Variants in PHACTR2 observed in about 807,000 individuals in gnomAD.
PHACTR2 encodes phosphatase and actin regulator 2, also known as chromosome 6 open reading frame 56.
PHACTR2 carries 30 observed loss-of-function variants against 76.0 expected under a neutral mutation model. The ratio of observed to expected loss-of-function variants is 0.39; its 90% CI spans 0.30 to 0.54. PHACTR2 has a LOEUF of 0.54. Ranked by LOEUF, PHACTR2 falls within the 20% of genes least tolerant of loss-of-function variation. PHACTR2 has a pLI of 0.61. For synonymous variants in PHACTR2, 292 were observed against 292.5 expected (o/e 1.00, Z 0.02); for missense variants, 696 against 781.1 (o/e 0.89, Z 1.30).
rs1482454577 is a variant in PHACTR2, at chr6:143,683,392, A to G, written c.46+5183A>G. ...CCAAGAATTACATTACTCTGGCTCT[A>G]TTGTCTGAAGGGTGGTATCTGAATC... On this transcript the variant is annotated intron_variant, in intron 1 of 12. Coordinates refer to ENST00000440869, the MANE Select transcript of PHACTR2 (RefSeq NM_001100164.2). The surrounding 1 kb of genome is among the most constrained non-coding windows in gnomAD (Gnocchi z 4.1). 6.6e-6 allele frequency among the ~76,000 whole-genome samples: 1 copy of G among 152,112 alleles called. No homozygotes were observed. The highest frequency in any genetic ancestry group is 2.4e-5 in the African/African-American group (1 of 41,428).
intron 2 of PHACTR2, among the ~76,000 whole-genome samples, chr6:143,745,757 A>G (rs1434359478): frequency 6.6e-6 from 1 of 152,246 alleles, no homozygotes; most frequent in African/African-American, 2.4e-5. Flanking sequence ...AGGTATCCGC[A>G]TTGTGTGTTA....
At chr6:143,559,431 A>C (rs1775228972) in intron 1 of PHACTR2, among the ~76,000 whole-genome samples, 1 of 152,166 alleles carries the variant, frequency 6.6e-6, no homozygotes, top group South Asian at 2.1e-4. Flanking sequence ...TGAGTTATTT[A>C]TTAGTTTGTG....
At chr6:143,766,847 G>T (rs1015596397) in intron 6 of PHACTR2, among the ~76,000 whole-genome samples, 1 of 152,148 alleles carries the variant, frequency 6.6e-6, no homozygotes, top group African/African-American at 2.4e-5. Flanking sequence ...GAGTATGAAG[G>T]GATGGATGGC....
intron 1 of PHACTR2, among the ~76,000 whole-genome samples, chr6:143,544,474 G>T (rs1024516049): frequency 2.0e-5 from 3 of 148,568 alleles, no homozygotes; most frequent in Non-Finnish European, 1.5e-5. Context: ...CCTATGCTAG[G>T]TTTAAGTCAC....
chr6:143,741,117 G>A (rs942508104), intron 2 of PHACTR2, among the ~76,000 whole-genome samples: 2 of 149,658 alleles, frequency 1.3e-5, no homozygotes, highest in Non-Finnish European at 3.0e-5. Flanking sequence ...GCATGGTGGC[G>A]CATGCCTGTA....
rs901512507 is a variant in PHACTR2 at position 143,549,514 on chromosome 6, G to T, written c.217+12307G>T. Among the ~76,000 whole-genome samples the T allele has an allele frequency of 3.3e-5, 5 of 152,014 alleles. No individual in the cohort carries two copies. The highest frequency in any genetic ancestry group is 1.2e-4 in the African/African-American group (5 of 41,414). On this transcript the variant is annotated intron_variant, in intron 1 of 11. Coordinates refer to the PHACTR2 transcript ENST00000367584. This position sits in a 1 kb window ranked among gnomAD's most constrained non-coding sequence, Gnocchi z 4.2. Reference sequence around the variant, plus strand: ...ACACATTCTCAGAAGGCCGGCCACAGGCAATGGCAAGATGAGAATGTTTGC... The same window carrying T: ...ACACATTCTCAGAAGGCCGGCCACATGCAATGGCAAGATGAGAATGTTTGC...
rs970055877 is a variant in PHACTR2 at position 143,775,027 on chromosome 6, G to A, written c.1589+812G>A. Among the ~76,000 whole-genome samples, 6 of 152,294 alleles carry A rather than the reference G, an allele frequency of 3.9e-5. No homozygotes were observed. Among genetic ancestry groups the A allele is most frequent in the East Asian group, 1.9e-4 (1 of 5,180 alleles). On this transcript the variant is annotated intron_variant, in intron 8 of 12. Transcript: ENST00000440869. The surrounding 1 kb of genome is among the most constrained non-coding windows in gnomAD (Gnocchi z 4.4). ...AACAGGGTGCATAACTGGGAGAAAG[G>A]AACTGTCTAGAATCCCAGAGCAGGA...
At position 143,823,060 on chromosome 6, in the gene PHACTR2, G is replaced by C. The variant is rs1311027728; in HGVS notation, c.1923-614G>C. ...ATGAATTGCTAATCTGAGGTTTCTAGACCAAAAATATTTTTAAAGATAGAA... is the reference window on the plus strand; with the variant it reads ...ATGAATTGCTAATCTGAGGTTTCTACACCAAAAATATTTTTAAAGATAGAA... On this transcript the variant is annotated intron_variant, in intron 12 of 12. Transcript: ENST00000440869. This position sits in a 1 kb window ranked among gnomAD's most constrained non-coding sequence, Gnocchi z 5.7. 6.6e-6 allele frequency among the ~76,000 whole-genome samples: 1 copy of C among 152,240 alleles called. No homozygotes were observed. The highest frequency in any genetic ancestry group is 1.5e-5 in the Non-Finnish European group (1 of 68,040).
intron 1 of PHACTR2, among the ~76,000 whole-genome samples, chr6:143,594,044 A>T (rs1312196729): frequency 2.6e-5 from 4 of 152,224 alleles, no homozygotes; most frequent in Non-Finnish European, 5.9e-5. Context: ...CTGAAATGTG[A>T]AATGCTCCAA....
rs535872189 is a variant in PHACTR2, at chr6:143,556,318, C to G, written c.217+19111C>G. ...TTAGGTGTGGGGCATCTCCAATGCT[C>G]CTGCGTGCCAGGCACAAGGCGTGGG... On this transcript the variant is annotated intron_variant, in intron 1 of 11. Transcript: ENST00000367584. The surrounding 1 kb of genome is among the most constrained non-coding windows in gnomAD (Gnocchi z 4.3). Among the ~76,000 whole-genome samples the G allele has an allele frequency of 4.6e-5, 7 of 152,328 alleles. No homozygotes were observed. The highest frequency in any genetic ancestry group is 1.0e-4 in the Non-Finnish European group (7 of 68,028).
At position 143,739,364 on chromosome 6, in the gene PHACTR2, C is replaced by T. The variant is rs1291295418; in HGVS notation, c.215-9621C>T. Among the ~76,000 whole-genome samples the T allele has an allele frequency of 6.6e-6, 1 of 152,248 alleles. No homozygotes were observed. Among genetic ancestry groups the T allele is most frequent in the East Asian group, 1.9e-4 (1 of 5,170 alleles). On this transcript the variant is annotated intron_variant, in intron 2 of 12. Transcript: ENST00000440869. This position sits in a 1 kb window ranked among gnomAD's most constrained non-coding sequence, Gnocchi z 4.3. Reference sequence around the variant, plus strand: ...AGGTGTGAGCCACCGCACCCGGCTGCGAGATTCACTTTAAAATCAGTTCTC... The same window carrying T: ...AGGTGTGAGCCACCGCACCCGGCTGTGAGATTCACTTTAAAATCAGTTCTC...
Position 143,598,889 on chromosome 6 carries a change from T to C in PHACTR2, c.217+61682T>C, listed in dbSNP as rs1297977404. On this transcript the variant is annotated intron_variant, in intron 1 of 11. Coordinates refer to the PHACTR2 transcript ENST00000367584. This position sits in a 1 kb window ranked among gnomAD's most constrained non-coding sequence, Gnocchi z 4.1. ...CCTAGAGCCATTTAAATGGCTGGCA[T>C]TGATGCTTTCTGTTATCTGTTCCAG... Among the ~76,000 whole-genome samples the C allele has an allele frequency of 3.3e-5, 5 of 152,230 alleles. No homozygotes were observed. The highest frequency in any genetic ancestry group is 7.3e-5 in the Non-Finnish European group (5 of 68,044).
chr6:143,560,613 T>G (rs945364569), intron 1 of PHACTR2, among the ~76,000 whole-genome samples: 1 of 152,152 alleles, frequency 6.6e-6, no homozygotes, highest in Non-Finnish European at 1.5e-5. Flanking sequence ...ACTAGTTCAT[T>G]TAGGTTACAT....
At chr6:143,605,057 C>G (rs1373795084), upstream of PHACTR2, among the ~76,000 whole-genome samples, 1 of 151,704 alleles carries the variant, frequency 6.6e-6, no homozygotes, top group Non-Finnish European at 1.5e-5. This position sits in a 1 kb window ranked among gnomAD's most constrained non-coding sequence, Gnocchi z 5.0. Flanking sequence ...CCACAGCAGC[C>G]TTGCTGTTGC....
In PHACTR2 at chr6:143,765,930, A is replaced by T. The variant is rs1201545133; in HGVS notation, c.1232+132A>T. 1.3e-6 allele frequency: 1 copy of T among 747,284 alleles called. No individual in the cohort carries two copies. Among genetic ancestry groups the T allele is most frequent in the African/African-American group, 1.8e-5 (1 of 56,734 alleles). 46.3% of individuals were successfully genotyped at this position (747,284 alleles called of 1,614,324 possible). On this transcript the variant is annotated intron_variant, in intron 6 of 12. Coordinates refer to ENST00000440869, the MANE Select transcript of PHACTR2 (RefSeq NM_001100164.2). This position sits in a 1 kb window ranked among gnomAD's most constrained non-coding sequence, Gnocchi z 4.1. The stretch of plus-strand genomic sequence containing the variant: ...TGAGTGTTAGGTAGGCATACATGTG[A>T]TCCAACCATTGCTTTGTCAGAGCCC...
At chr6:143,808,372 G>T (rs1022435551) in intron 12 of PHACTR2, among the ~76,000 whole-genome samples, 1 of 151,732 alleles carries the variant, frequency 6.6e-6, no homozygotes, top group African/African-American at 2.4e-5. Context: ...AGAGTGATCC[G>T]CCCACCTCAG....
rs1779331380 is a variant in PHACTR2, at chr6:143,757,559, G to C, written c.455-2842G>C. ...CCAGGGCTCAAAGGAGCCAAGCCTG[G>C]AAGTATGGGAAACAGCTTGTTTTCC... is the stretch of plus-strand genomic sequence containing the variant. On this transcript the variant is annotated intron_variant, in intron 4 of 12. Transcript: ENST00000440869. The surrounding 1 kb of genome is among the most constrained non-coding windows in gnomAD (Gnocchi z 4.2). Among the ~76,000 whole-genome samples, 1 of 152,200 alleles carries C rather than the reference G, an allele frequency of 6.6e-6. No individual in the cohort carries two copies. Among genetic ancestry groups the C allele is most frequent in the Non-Finnish European group, 1.5e-5 (1 of 68,036 alleles).
In PHACTR2 at chr6:143,755,643, C is replaced by G. The variant is rs1167414872; in HGVS notation, c.454+1731C>G. ...AGGTCCAAGAGAGCCTGTTGCTTGG[C>G]TAGTAGGTACATGAGGAAGGAGCTG... On this transcript the variant is annotated intron_variant, in intron 4 of 12. Transcript: ENST00000440869. The surrounding 1 kb of genome is among the most constrained non-coding windows in gnomAD (Gnocchi z 5.2). 4.2e-6 allele frequency: 1 copy of G among 237,052 alleles called. No individual in the cohort carries two copies. The highest frequency in any genetic ancestry group is 5.1e-5 in the Admixed American group (1 of 19,652). 14.7% of individuals were successfully genotyped at this position (237,052 alleles called of 1,614,324 possible).
In PHACTR2 at chr6:143,653,483, T is replaced by G. The variant is rs1776798302; in HGVS notation, c.13+45161T>G. Among the ~76,000 whole-genome samples the G allele has an allele frequency of 6.6e-6, 1 of 152,120 alleles. No homozygotes were observed. Among genetic ancestry groups the G allele is most frequent in the South Asian group, 2.1e-4 (1 of 4,828 alleles). On this transcript the variant is annotated intron_variant, in intron 1 of 11. Coordinates refer to the PHACTR2 transcript ENST00000305766. This position sits in a 1 kb window ranked among gnomAD's most constrained non-coding sequence, Gnocchi z 4.9. ...ATGGCCTGAAAGAATTCATTGCAGC[T>G]TCCCACATGCAAAGTTTATTTTCGG...
Sources: allele counts gnomAD v4.1 joint callset (sites outside exome capture counted in the v4.1 genomes callset), GRCh38; gene constraint gnomAD v4.1.1; non-coding constraint Gnocchi (gnomAD v3.1); transcripts MANE v1.5; gene names NCBI Gene and HGNC (gene_info 2026-07-23, HGNC 2026-07-21).